Variants in CDCA7L observed in about 807,000 individuals in gnomAD.
CDCA7L encodes cell division cycle associated 7 like.
In CDCA7L, 44 loss-of-function variants were observed where a neutral mutation model predicts 57.4. That is an observed-to-expected ratio of 0.77 (90% CI 0.60 to 0.98). The LOEUF (loss-of-function observed/expected upper bound fraction) is 0.98. Among genes scored for constraint, CDCA7L ranks in the 50% least tolerant of loss-of-function variants. The pLI, the probability that CDCA7L is intolerant of heterozygous loss-of-function variation, is 0.00. For missense variants in CDCA7L, 644 were observed against 580.6 expected (o/e 1.11, Z -1.12); for synonymous variants, 236 against 202.8 (o/e 1.16, Z -1.39).
chr7:21,945,199 T>G (rs1786481056), intron 1 of CDCA7L, among the ~76,000 whole-genome samples: 2 of 152,136 alleles, frequency 1.3e-5, no homozygotes, highest in South Asian at 4.1e-4. Flanking sequence ...GTGCATATGA[T>G]TTGGGATCTT....
intron 2 of CDCA7L, 39 bp from the exon 3 acceptor site, chr7:21,911,793 G>C (rs763103442): frequency 6.3e-7 from 1 of 1,587,042 alleles, no homozygotes; most frequent in African/African-American, 1.4e-5. Context: ...ACGGAAAGTA[G>C]AATAGAGGTT....
At chr7:21,918,646 T>C (rs1177326296) in intron 1 of CDCA7L, among the ~76,000 whole-genome samples, 1 of 152,156 alleles carries the variant, frequency 6.6e-6, no homozygotes, top group African/African-American at 2.4e-5. Context: ...GGGTTTACAA[T>C]TTGGGAGTTG....
At chr7:21,927,130 AG>A (rs1785854914) in intron 1 of CDCA7L, among the ~76,000 whole-genome samples, 5 of 152,232 alleles carry the variant, frequency 3.3e-5, no homozygotes, top group African/African-American at 1.2e-4. Context: ...ATAAAAAAGA[AG>A]AAAAACCTGG....
At chr7:21,905,692 A>G (rs1785117471) in intron 6 of CDCA7L, 61 bp from the exon 7 acceptor site, 9 of 1,542,916 alleles carry the variant, frequency 5.8e-6, no homozygotes, top group South Asian at 2.5e-5. Context: ...AAAATTATAA[A>G]TATTTTAAAC....
At chr7:21,928,185 A>C (rs1228408983) in intron 1 of CDCA7L, among the ~76,000 whole-genome samples, 3 of 152,180 alleles carry the variant, frequency 2.0e-5, no homozygotes, top group Non-Finnish European at 4.4e-5. Context: ...CCAGCAAACT[A>C]ACTCCAGCAG....
In CDCA7L at chr7:21,922,915, C is replaced by T. The variant is rs77512626; in HGVS notation, c.25-6021G>A. On this transcript the variant is annotated intron_variant, in intron 1 of 9. Transcript: ENST00000406877. ...ATGCTAAATGATAATAACCCAGTCT[C>T]GATAAAACCAAGAACGGTATGATTC... Among the ~76,000 whole-genome samples the T allele has an allele frequency of 1.4e-3, 217 of 152,220 alleles. 4 individuals carry two copies. The East Asian group carries it at 0.031, about 22-fold the overall frequency.
intron 1 of CDCA7L, among the ~76,000 whole-genome samples, chr7:21,933,184 T>G (rs563179072): frequency 1.3e-5 from 2 of 152,240 alleles, no homozygotes; most frequent in Admixed American, 1.3e-4. Flanking sequence ...GAAATAGGAA[T>G]GCTTTTACAC....
chr7:21,918,148 G>A lies in CDCA7L; in HGVS notation c.25-1254C>T, dbSNP rs181489265. Among the ~76,000 whole-genome samples the A allele has an allele frequency of 5.0e-4, 76 of 152,142 alleles. 1 individual carries two copies. Among genetic ancestry groups the A allele is most frequent in the African/African-American group, 1.8e-3 (75 of 41,494 alleles). On this transcript the variant is annotated intron_variant, in intron 1 of 9. Transcript: ENST00000406877. ...TACTCCTCAATGCATTGCATAAGGG[G>A]GCACAAAATGTCAAGTTATCCCACT... is the stretch of plus-strand genomic sequence containing the variant.
At chr7:21,921,524 TGTCA>T (rs1219046424) in intron 1 of CDCA7L, among the ~76,000 whole-genome samples, 1 of 151,942 alleles carries the variant, frequency 6.6e-6, no homozygotes, top group East Asian at 1.9e-4. Flanking sequence ...CCCAAGGATC[TGTCA>T]CTTTCCTGTT....
intron 2 of CDCA7L, among the ~76,000 whole-genome samples, chr7:21,914,050 C>T (rs1299663448): frequency 6.6e-6 from 1 of 152,208 alleles, no homozygotes; most frequent in Admixed American, 6.5e-5. Context: ...CCTTGGTCAT[C>T]TACCATGATC....
intron 1 of CDCA7L, among the ~76,000 whole-genome samples, chr7:21,937,172 T>C (rs897250433): frequency 2.0e-5 from 3 of 152,208 alleles, no homozygotes; most frequent in African/African-American, 4.8e-5. Context: ...AACCATCCCA[T>C]GTTCATGGAT....
chr7:21,912,906 G>C (rs1309804785), intron 2 of CDCA7L, among the ~76,000 whole-genome samples: 1 of 152,108 alleles, frequency 6.6e-6, no homozygotes, highest in African/African-American at 2.4e-5. Flanking sequence ...TCTCTTAATA[G>C]TATACTTGAA....
chr7:21,916,382 C>T (rs1785480576), intron 2 of CDCA7L, among the ~76,000 whole-genome samples: 1 of 152,072 alleles, frequency 6.6e-6, no homozygotes, highest in Non-Finnish European at 1.5e-5. Context: ...AATTGTCTCC[C>T]CGTAACCACA....
rs1785330410 is a variant in CDCA7L, at chr7:21,911,616, C to T, written c.303+1G>A. ...ACATCCCTTCCTGTTGTAATTATTA[C>T]CATTACTTCTGGGTTAGTCTTTCCA... On this transcript the variant is annotated splice_donor_variant, in intron 3 of 9. Transcript: ENST00000406877. LOFTEE classifies it high-confidence loss of function. 1 of 1,608,660 alleles carries T rather than the reference C, an allele frequency of 6.2e-7. No homozygotes were observed. Among genetic ancestry groups the T allele is most frequent in the Non-Finnish European group, 8.5e-7 (1 of 1,178,540 alleles).
At chr7:21,906,680 G>A (rs1246846894) in intron 4 of CDCA7L, 41 bp from the exon 5 acceptor site, 3 of 1,601,516 alleles carry the variant, frequency 1.9e-6, no homozygotes, top group Non-Finnish European at 2.6e-6. Flanking sequence ...CAAAAATAGG[G>A]CTCCAGGTTT....
intron 2 of CDCA7L, among the ~76,000 whole-genome samples, chr7:21,916,514 TAAAAAA>T (rs71557529): frequency 4.8e-5 from 5 of 105,138 alleles, no homozygotes; most frequent in Admixed American, 2.0e-4. Flanking sequence ...TCCCTTTATT[TAAAAAA>T]AAAAAAAAAA....
intron 1 of CDCA7L, among the ~76,000 whole-genome samples, chr7:21,917,864 A>G (rs1469497278): frequency 6.6e-6 from 1 of 152,212 alleles, no homozygotes; most frequent in Non-Finnish European, 1.5e-5. Context: ...ATAGAACCAC[A>G]AAACCATAAT....
intron 1 of CDCA7L, among the ~76,000 whole-genome samples, chr7:21,928,893 T>C (rs1352813351): frequency 6.6e-6 from 1 of 152,088 alleles, no homozygotes; most frequent in Non-Finnish European, 1.5e-5. Flanking sequence ...CACGATATTA[T>C]CCAGGAGAAC....
At chr7:21,937,131 C>T (rs991929307) in intron 1 of CDCA7L, among the ~76,000 whole-genome samples, 2 of 152,042 alleles carry the variant, frequency 1.3e-5, no homozygotes, top group Non-Finnish European at 2.9e-5. Flanking sequence ...ACTACATCCC[C>T]GAAAAAATCA....
Sources: gnomAD v4.1 joint callset for allele counts (sites outside exome capture counted in the v4.1 genomes callset) on GRCh38, gnomAD v4.1.1 for gene constraint, MANE v1.5 for transcripts, NCBI Gene and HGNC (gene_info 2026-07-23, HGNC 2026-07-21) for gene names.